The following GPR35 variants were observed in gnomAD, a reference collection of about 807,000 sequenced individuals.
GPR35 encodes the protein G protein-coupled receptor 35.
For missense variants in GPR35, 372 were observed against 422.5 expected (o/e 0.88, Z 1.05); for synonymous variants, 207 against 198.4 (o/e 1.04, Z -0.36).
intron 3 of GPR35, chr2:240,617,066 A>G (rs1352460997): frequency 7.0e-6 from 5 of 718,870 alleles, no homozygotes; most frequent in Non-Finnish European, 1.3e-5. Flanking sequence ...CAGACTCATG[A>G]AAGACCTGAA....
At chr2:240,623,920 C>T (rs2043337450), upstream of GPR35, among the ~76,000 whole-genome samples, 1 of 149,566 alleles carries the variant, frequency 6.7e-6, no homozygotes, top group South Asian at 2.2e-4. Context: ...GAGGCCAGGC[C>T]TGGTGGGGAC....
chr2:240,629,872 A>G, intron 1 of GPR35, 77 bp from the exon 2 acceptor site: 4 of 1,248,992 alleles, frequency 3.2e-6, no homozygotes, highest in Non-Finnish European at 4.5e-6. Flanking sequence ...CCCTGCCCAG[A>G]GGTGGGCAGA....
intron 2 of GPR35, among the ~76,000 whole-genome samples, chr2:240,610,500 A>T (rs978274117): frequency 6.6e-6 from 1 of 151,994 alleles, no homozygotes; most frequent in African/African-American, 2.4e-5. Context: ...GTCTCCTGTC[A>T]CTCAGCCTGG....
rs139794680 is a variant in GPR35, at chr2:240,630,315, G to C, written c.363G>C (p.Pro121=). 6 of 1,586,830 alleles carry C rather than the reference G, an allele frequency of 3.8e-6. No homozygotes were observed. The highest frequency in any genetic ancestry group is 4.3e-6 in the Non-Finnish European group (5 of 1,171,340). Residue 121 remains proline, a synonymous_variant, in exon 2 of 2, where the codon CCG becomes CCC. Coordinates refer to ENST00000407714, the MANE Select transcript of GPR35 (RefSeq NM_005301.5). The stretch of plus-strand genomic sequence containing the variant: ...ACCGCTATGTGGCCGTGCGGCACCC[G>C]CTGCGTGCCCGCGGGCTGCGGTCCC... ...AVDRYVAVRH[P]LRARGLRSPR... is the part of the protein sequence containing the mutation.
chr2:240,618,126 G>A (rs2043257614), intron 4 of GPR35, among the ~76,000 whole-genome samples: 3 of 151,874 alleles, frequency 2.0e-5, no homozygotes, highest in East Asian at 3.9e-4. Flanking sequence ...ATTTAAATTC[G>A]GATTTACATA....
intron 2 of GPR35, among the ~76,000 whole-genome samples, chr2:240,614,926 TTG>T (rs531662830): frequency 4.6e-5 from 7 of 152,226 alleles, no homozygotes; most frequent in South Asian, 4.2e-4. Flanking sequence ...ATATATGCAT[TTG>T]TGTGTGCTTG....
upstream of GPR35, among the ~76,000 whole-genome samples, chr2:240,622,162 G>C (rs895280599): frequency 6.6e-6 from 1 of 152,160 alleles, no homozygotes; most frequent in African/African-American, 2.4e-5. Flanking sequence ...TTAGAGGCCT[G>C]AGCCACCGCG....
chr2:240,626,845 G>A (rs1056916949), intron 1 of GPR35, among the ~76,000 whole-genome samples: 1 of 152,168 alleles, frequency 6.6e-6, no homozygotes, highest in Non-Finnish European at 1.5e-5. Flanking sequence ...GGGTCTGGGC[G>A]GGTCCCGGGT....
intron 1 of GPR35, chr2:240,628,327 G>A (rs549201987): frequency 6.6e-6 from 1 of 152,256 alleles, no homozygotes; most frequent in Non-Finnish European, 1.5e-5. Flanking sequence ...CCTGGAACGA[G>A]GGTGAAGTGT....
intron 1 of GPR35, among the ~76,000 whole-genome samples, chr2:240,625,844 G>T (rs1373144273): frequency 3.7e-5 from 5 of 135,998 alleles, no homozygotes; most frequent in Non-Finnish European, 8.1e-5. Context: ...TCAGAGTGGG[G>T]TGAGGCTGTG....
intron 3 of GPR35, chr2:240,616,593 C>G (rs2043239895): frequency 2.8e-6 from 2 of 718,316 alleles, no homozygotes; most frequent in Non-Finnish European, 5.1e-6. Context: ...ATCTGGTGGT[C>G]TCTTTGTGAG....
At chr2:240,610,695 C>T (rs571371105) in intron 2 of GPR35, among the ~76,000 whole-genome samples, 4 of 152,034 alleles carry the variant, frequency 2.6e-5, no homozygotes, top group East Asian at 1.9e-4. Context: ...AGTGCAGTGG[C>T]ATGATCTCGG....
chr2:240,630,125 A>G lies in GPR35; in HGVS notation c.173A>G (p.Tyr58Cys). Reference sequence around the variant, plus strand: ...CAGCAGTGGACGGAGACCCGCATCTACATGACCAACCTGGCGGTGGCCGAC... The same window carrying G: ...CAGCAGTGGACGGAGACCCGCATCTGCATGACCAACCTGGCGGTGGCCGAC... ...RMQQWTETRI[Y>C]MTNLAVADLC... Residue 58 changes from tyrosine to cysteine, a missense_variant, in exon 2 of 2, where the codon TAC becomes TGC. By Grantham distance (194) the Tyr-to-Cys change is radical. Coordinates refer to ENST00000407714, the MANE Select transcript of GPR35 (RefSeq NM_005301.5). 6.2e-7 allele frequency: 1 copy of G among 1,605,578 alleles called. No homozygotes were observed. Among genetic ancestry groups the G allele is most frequent in the East Asian group, 2.2e-5 (1 of 44,830 alleles).
At chr2:240,626,909 T>A (rs2043384905) in intron 1 of GPR35, among the ~76,000 whole-genome samples, 2 of 152,310 alleles carry the variant, frequency 1.3e-5, no homozygotes, top group African/African-American at 4.8e-5. Context: ...ATCGCCCGTC[T>A]ATGGCCAGGT....
intron 2 of GPR35, among the ~76,000 whole-genome samples, chr2:240,614,524 G>A (rs934464871): frequency 6.6e-6 from 1 of 152,188 alleles, no homozygotes; most frequent in Admixed American, 6.5e-5. Flanking sequence ...GGGGCTGAGG[G>A]TACAAAGACT....
chr2:240,614,609 G>A (rs901719582), intron 2 of GPR35, among the ~76,000 whole-genome samples: 2 of 152,222 alleles, frequency 1.3e-5, no homozygotes, highest in African/African-American at 4.8e-5. Flanking sequence ...TTCTCCCCTT[G>A]CCCATGTGGA....
intron 2 of GPR35, among the ~76,000 whole-genome samples, chr2:240,608,129 C>A (rs1034602336): frequency 5.3e-5 from 8 of 152,124 alleles, no homozygotes; most frequent in Admixed American, 6.5e-5. Flanking sequence ...TATCTTCAAG[C>A]GATCTTCTCA....
chr2:240,624,354 G>A (rs904211296), upstream of GPR35, among the ~76,000 whole-genome samples: 11 of 152,188 alleles, frequency 7.2e-5, no homozygotes, highest in East Asian at 1.9e-4. Flanking sequence ...AGGGACAGCC[G>A]GGGAAGCAGG....
intron 1 of GPR35, chr2:240,628,016 C>A (rs1233749486): frequency 2.0e-5 from 3 of 152,138 alleles, no homozygotes; most frequent in Non-Finnish European, 2.9e-5. Flanking sequence ...CTGTGCAGAC[C>A]CCCTCCCCCT....
Sources: gnomAD v4.1 joint callset for allele counts (sites outside exome capture counted in the v4.1 genomes callset) on GRCh38, gnomAD v4.1.1 for gene constraint, MANE v1.5 for transcripts, NCBI Gene and HGNC (gene_info 2026-07-23, HGNC 2026-07-21) for gene names.